Variants in INPP5A observed in about 807,000 individuals in gnomAD.
INPP5A encodes the protein 43 kDa inositol polyphosphate 5-phophatase.
Under a neutral mutation model 65.2 loss-of-function variants are expected in INPP5A, and 14 were observed. The observed-to-expected ratio is 0.21, with a 90% CI of 0.14 to 0.34. The LOEUF (loss-of-function observed/expected upper bound fraction) is 0.34. Among genes scored for constraint, INPP5A ranks in the 10% least tolerant of loss-of-function variants. The pLI is 1.00. For missense variants in INPP5A, 431 were observed against 545.6 expected, an observed-to-expected ratio of 0.79 and a Z score of 2.09; for synonymous variants, 207 against 208.3, an observed-to-expected ratio of 0.99 and a Z score of 0.05.
intron 4 of INPP5A, among the ~76,000 whole-genome samples, chr10:132,681,309 A>G (rs1415478557): frequency 6.6e-6 from 1 of 152,148 alleles, no homozygotes; most frequent in Non-Finnish European, 1.5e-5. Context: ...ACACTGTGGA[A>G]GCTTTGTTCT....
rs932122503 is a variant in INPP5A at position 132,706,577 on chromosome 10, G to A, written c.475-1736G>A. On this transcript the variant is annotated intron_variant, in intron 6 of 15. Coordinates refer to ENST00000368594, the MANE Select transcript of INPP5A (RefSeq NM_005539.5). This position sits in a 1 kb window ranked among gnomAD's most constrained non-coding sequence, Gnocchi z 4.7. ...TGCAGGGGAAGAATGCAGTGTGTAC[G>A]GGAAGGGTTGGCTGGCTTCAGCATC... Among the ~76,000 whole-genome samples, 31 of 152,206 alleles carry A rather than the reference G, an allele frequency of 2.0e-4. No individual in the cohort carries two copies. The highest frequency in any genetic ancestry group is 6.8e-4 in the African/African-American group (28 of 41,432).
At chr10:132,730,532 G>C (rs554650428) in intron 9 of INPP5A, among the ~76,000 whole-genome samples, 1 of 152,378 alleles carries the variant, frequency 6.6e-6, no homozygotes, top group East Asian at 1.9e-4. Flanking sequence ...CCTGGGTGTA[G>C]GAAGAGCAGC....
intron 8 of INPP5A, among the ~76,000 whole-genome samples, chr10:132,722,454 C>T (rs370717349): frequency 2.0e-5 from 3 of 152,200 alleles, no homozygotes; most frequent in East Asian, 1.9e-4. Context: ...GTGAGACTGC[C>T]GATGACGCTC....
chr10:132,611,470 G>A (rs571892318), intron 2 of INPP5A, among the ~76,000 whole-genome samples: 2 of 147,816 alleles, frequency 1.4e-5, no homozygotes, highest in Non-Finnish European at 3.0e-5. Context: ...AGGAAGTGAG[G>A]TGGGCATGGG....
intron 2 of INPP5A, among the ~76,000 whole-genome samples, chr10:132,614,401 A>C (rs1464587329): frequency 1.3e-5 from 2 of 152,162 alleles, no homozygotes; most frequent in African/African-American, 4.8e-5. Flanking sequence ...CAGGGGTCAG[A>C]GGTTGCAGTG....
chr10:132,638,943 G>A (rs1590886403), intron 2 of INPP5A, among the ~76,000 whole-genome samples: 1 of 152,106 alleles, frequency 6.6e-6, no homozygotes, highest in Admixed American at 6.6e-5. Context: ...ATATATATAT[G>A]ACATAGTTTA....
intron 9 of INPP5A, among the ~76,000 whole-genome samples, chr10:132,747,502 C>A (rs1286638973): frequency 1.3e-5 from 2 of 152,224 alleles, no homozygotes; most frequent in East Asian, 3.9e-4. Context: ...GTCGGGCTGC[C>A]GAAGGGCTCC....
intron 1 of INPP5A, among the ~76,000 whole-genome samples, chr10:132,558,657 GA>G (rs1202245243): frequency 6.6e-6 from 1 of 152,246 alleles, no homozygotes; most frequent in Non-Finnish European, 1.5e-5. Flanking sequence ...GGAGCTGGGG[GA>G]CGCTCCAGGT....
In INPP5A at chr10:132,696,203, GC is replaced by G. The variant is rs551585936; in HGVS notation, c.371-1610del. Among the ~76,000 whole-genome samples the G allele has an allele frequency of 2.1e-3, 318 of 152,334 alleles. 2 individuals carry two copies. Among genetic ancestry groups the G allele is most frequent in the Non-Finnish European group, 3.1e-3 (214 of 68,026 alleles). On this transcript the variant is annotated intron_variant, in intron 5 of 15. Transcript: ENST00000368594. The stretch of plus-strand genomic sequence containing the variant: ...CCACCCAGTCTATTTTGCTATAGCT[GC>G]CCAGTGGACTAAGGCAGATGGGAAA...
intron 1 of INPP5A, among the ~76,000 whole-genome samples, chr10:132,548,872 C>G (rs1215447746): frequency 6.6e-6 from 1 of 150,552 alleles, no homozygotes; most frequent in East Asian, 2.0e-4. Context: ...TCACCACTCA[C>G]CGAAGCCTCA....
intron 2 of INPP5A, 30 bp from the exon 3 acceptor site, chr10:132,645,838 G>A (rs752241917): frequency 1.2e-5 from 18 of 1,562,724 alleles, no homozygotes; most frequent in Non-Finnish European, 1.4e-5. Flanking sequence ...CGGCTCCGAC[G>A]ACCCTGACAG....
intron 1 of INPP5A, among the ~76,000 whole-genome samples, chr10:132,557,247 C>T (rs1035049388): frequency 1.3e-5 from 2 of 152,256 alleles, no homozygotes; most frequent in Non-Finnish European, 2.9e-5. Flanking sequence ...GAGGCACCCT[C>T]GCCCGGGGCC....
rs1373728466 is a variant in INPP5A at position 132,551,564 on chromosome 10, T to TGGGGACATATGACTTGC, written c.75+13394_75+13410dup. Among the ~76,000 whole-genome samples the TGGGGACATATGACTTGC allele has an allele frequency of 6.6e-6, 1 of 152,222 alleles. No individual in the cohort carries two copies. Among genetic ancestry groups the TGGGGACATATGACTTGC allele is most frequent in the Non-Finnish European group, 1.5e-5 (1 of 68,044 alleles). ...TCTGTCCAAGTAGCACACAGACTTG[T>TGGGGACATATGACTTGC]GGGGACATATGACTTGCTTTAATTT... On this transcript the variant is annotated intron_variant, in intron 1 of 15. Transcript: ENST00000368594. This position sits in a 1 kb window ranked among gnomAD's most constrained non-coding sequence, Gnocchi z 5.3.
intron 11 of INPP5A, among the ~76,000 whole-genome samples, chr10:132,763,096 C>T (rs1846762583): frequency 6.6e-6 from 1 of 152,358 alleles, no homozygotes; most frequent in Non-Finnish European, 1.5e-5. Context: ...CTGATCCCCT[C>T]CTGCCAGTGC....
chr10:132,780,688 G>T (rs938297349), intron 13 of INPP5A, among the ~76,000 whole-genome samples, 161 bp from the exon 14 acceptor site: 9 of 152,272 alleles, frequency 5.9e-5, no homozygotes, highest in African/African-American at 1.9e-4. Context: ...CTCTCTCAGG[G>T]GCCAGGCAGG....
At position 132,575,529 on chromosome 10, in the gene INPP5A, A is replaced by T. The variant is rs916672145; in HGVS notation, c.76-32386A>T. On this transcript the variant is annotated intron_variant, in intron 1 of 15. Coordinates refer to ENST00000368594, the MANE Select transcript of INPP5A (RefSeq NM_005539.5). This position sits in a 1 kb window ranked among gnomAD's most constrained non-coding sequence, Gnocchi z 5.4. Reference sequence around the variant, plus strand: ...ATTCACAATCATTTGGAAACTGGTGAAAAGGGGAAAGCAATGAGCACTATC... The same window carrying T: ...ATTCACAATCATTTGGAAACTGGTGTAAAGGGGAAAGCAATGAGCACTATC... Among the ~76,000 whole-genome samples, 2 of 152,180 alleles carry T rather than the reference A, an allele frequency of 1.3e-5. No individual in the cohort carries two copies. The highest frequency in any genetic ancestry group is 4.8e-5 in the African/African-American group (2 of 41,432).
At chr10:132,608,194 C>T (rs367560537) in intron 2 of INPP5A, among the ~76,000 whole-genome samples, 2 of 152,230 alleles carry the variant, frequency 1.3e-5, no homozygotes, top group African/African-American at 4.8e-5. Flanking sequence ...GTTCACATTC[C>T]GGCTCCCTCC....
Position 132,735,054 on chromosome 10 carries a change from C to T in INPP5A, c.732+8149C>T, listed in dbSNP as rs575774758. 4.6e-5 allele frequency among the ~76,000 whole-genome samples: 7 copies of T among 152,312 alleles called. No individual in the cohort carries two copies. The South Asian group carries it at 1.0e-3, about 23-fold the overall frequency. On this transcript the variant is annotated intron_variant, in intron 9 of 15. Coordinates refer to ENST00000368594, the MANE Select transcript of INPP5A (RefSeq NM_005539.5). Reference sequence around the variant, plus strand: ...CCAGCCGTGTGGAGCAGGTGCATCTCGAGCACCTGTCCTTCCTTCCCCTGA... The same window carrying T: ...CCAGCCGTGTGGAGCAGGTGCATCTTGAGCACCTGTCCTTCCTTCCCCTGA...
intron 2 of INPP5A, among the ~76,000 whole-genome samples, chr10:132,632,379 G>A (rs2072287608): frequency 6.6e-6 from 1 of 152,220 alleles, no homozygotes; most frequent in Non-Finnish European, 1.5e-5. Flanking sequence ...GCCAACGCCT[G>A]TGGTGTGAGT....
Sources: allele counts gnomAD v4.1 joint callset (sites outside exome capture counted in the v4.1 genomes callset), GRCh38; gene constraint gnomAD v4.1.1; non-coding constraint Gnocchi (gnomAD v3.1); transcripts MANE v1.5; gene names NCBI Gene and HGNC (gene_info 2026-07-23, HGNC 2026-07-21).